The following CCNJL variants were observed in gnomAD, a reference collection of about 807,000 sequenced individuals.
The protein encoded by CCNJL is cyclin-J-like protein.
Under a neutral mutation model 33.4 loss-of-function variants are expected in CCNJL, and 33 were observed. The observed-to-expected ratio is 0.99, with a 90% CI of 0.75 to 1.32. The LOEUF is 1.32. CCNJL is among the 40% of genes most tolerant of loss of function. The pLI is 0.00. For synonymous variants in CCNJL, 227 were observed against 220.9 expected (o/e 1.03, Z -0.24); for missense variants, 512 against 499.7 (o/e 1.02, Z -0.23).
chr5:160,253,100 C>G lies in CCNJL; in HGVS notation c.*278G>C, dbSNP rs1379310409. The stretch of plus-strand genomic sequence containing the variant: ...TCCTGGCCTCTTATCAAGTCTTTCT[C>G]GATTCACTGGGCCCCTGTGTGGGGG... On this transcript the variant is annotated 3_prime_UTR_variant, in exon 6 of 6. Coordinates refer to ENST00000257536, the MANE Select transcript of CCNJL (RefSeq NM_001308173.3). 5.7e-6 allele frequency: 2 copies of G among 351,154 alleles called. No individual in the cohort carries two copies. The highest frequency in any genetic ancestry group is 4.5e-5 in the Admixed American group (1 of 22,048). The allele number at this position is 351,154 out of a possible 1,614,324, so 21.8% of individuals were successfully genotyped here.
intron 2 of CCNJL, among the ~76,000 whole-genome samples, chr5:160,297,159 T>C (rs1762771350): frequency 6.6e-6 from 1 of 152,206 alleles, no homozygotes; most frequent in Non-Finnish European, 1.5e-5. Flanking sequence ...TTGATATGAC[T>C]ATATCTTCAG....
chr5:160,332,362 C>T (rs1018801240), intron 1 of CCNJL, among the ~76,000 whole-genome samples: 3 of 152,230 alleles, frequency 2.0e-5, no homozygotes, highest in African/African-American at 7.2e-5. Flanking sequence ...AGTCGCCTTA[C>T]ATCTGCCCTT....
chr5:160,326,570 C>T (rs1201687928), intron 1 of CCNJL: 1 of 463,044 alleles, frequency 2.2e-6, no homozygotes, highest in African/African-American at 2.1e-5. Context: ...ATTACACTGC[C>T]AATATAAATT....
chr5:160,265,818 A>G (rs979528199), intron 3 of CCNJL, among the ~76,000 whole-genome samples: 1 of 149,574 alleles, frequency 6.7e-6, no homozygotes, highest in Non-Finnish European at 1.5e-5. Flanking sequence ...GGGGCACTGC[A>G]CTCTAGCCTG....
rs1226668297 is a variant in CCNJL, at chr5:160,280,689, C to T, written c.116G>A (p.Arg39His). 1.6e-5 allele frequency: 25 copies of T among 1,612,790 alleles called. No individual in the cohort carries two copies. Among genetic ancestry groups the T allele is most frequent in the African/African-American group, 6.7e-5 (5 of 74,884 alleles). Residue 39 changes from arginine (R) to histidine (H), a missense_variant, in exon 3 of 6, where the codon CGC (arginine) becomes CAC (histidine). Coordinates refer to ENST00000257536, the MANE Select transcript of CCNJL (RefSeq NM_001308173.3). ...FRAHSPLLKS[R>H]RFFVDILTLL... ...GGTCAGGATGTCCACGAAGAACCGG[C>T]GGCTCTTCAGGAGTGGGGAGTGGGC...
At chr5:160,257,529 A>G (rs1037499041) in intron 4 of CCNJL, among the ~76,000 whole-genome samples, 5 of 151,570 alleles carry the variant, frequency 3.3e-5, no homozygotes, top group Non-Finnish European at 7.4e-5. Flanking sequence ...TGGGTAAGTT[A>G]CAGCTGGGTG....
chr5:160,291,229 T>C (rs1304536848), intron 2 of CCNJL, among the ~76,000 whole-genome samples: 1 of 151,898 alleles, frequency 6.6e-6, no homozygotes, highest in Non-Finnish European at 1.5e-5. Flanking sequence ...TATGGAGAAG[T>C]GGAAGCTTCA....
Position 160,249,503 on chromosome 5 carries a change from C to T in CCNJL, c.*3875G>A, listed in dbSNP as rs1242084370. 1 of 152,094 alleles carries T rather than the reference C, an allele frequency of 6.6e-6. No homozygotes were observed. Among genetic ancestry groups the T allele is most frequent in the Non-Finnish European group, 1.5e-5 (1 of 68,030 alleles). The allele number at this position is 152,094 out of a possible 1,614,324, so 9.4% of individuals were successfully genotyped here. A position where few individuals can be genotyped will look rare whatever the true frequency, so the allele number is the denominator to read the frequency against. ...CTGGACCAGGCGTAGTGGCTTATAC[C>T]TGTAATCTCAGCACTTTGGGAGGCC... On this transcript the variant is annotated 3_prime_UTR_variant, in exon 6 of 6. Transcript: ENST00000257536.
intron 1 of CCNJL, among the ~76,000 whole-genome samples, chr5:160,333,806 T>A (rs1763642383): frequency 6.6e-6 from 1 of 152,038 alleles, no homozygotes; most frequent in East Asian, 1.9e-4. Flanking sequence ...ATCAGACTAG[T>A]CCATCTTGCC....
intron 2 of CCNJL, among the ~76,000 whole-genome samples, chr5:160,297,654 C>CAA (rs59634260): frequency 1.1e-4 from 12 of 107,592 alleles, no homozygotes; most frequent in Admixed American, 4.0e-4. Flanking sequence ...TCTCTATTTA[C>CAA]AAAAAAAAAA....
intron 4 of CCNJL, chr5:160,258,672 GT>G: frequency 1.2e-6 from 1 of 841,932 alleles, no homozygotes; most frequent in Non-Finnish European, 2.1e-6. Flanking sequence ...GTCTGCAGCT[GT>G]TTTACTTTAA....
intron 4 of CCNJL, among the ~76,000 whole-genome samples, chr5:160,256,093 A>G: frequency 6.6e-6 from 1 of 152,262 alleles, no homozygotes; most frequent in Non-Finnish European, 1.5e-5. Context: ...TTCAGCATGT[A>G]ATTCAGGCTG....
At chr5:160,282,967 A>ATATATATATATATATATATATATG in intron 2 of CCNJL, among the ~76,000 whole-genome samples, 1 of 12,186 alleles carries the variant, frequency 8.2e-5, no homozygotes, top group Non-Finnish European at 1.3e-4. Flanking sequence ...AGTCCTTGGA[A>ATATATATATATATATATATATATG]TATATATATA....
At chr5:160,256,025 A>T (rs1393802664) in intron 4 of CCNJL, among the ~76,000 whole-genome samples, 1 of 152,116 alleles carries the variant, frequency 6.6e-6, no homozygotes, top group Non-Finnish European at 1.5e-5. Flanking sequence ...AGTAGCTGGG[A>T]CTACAGGCAT....
intron 3 of CCNJL, among the ~76,000 whole-genome samples, chr5:160,272,445 C>T (rs1222192088): frequency 6.6e-6 from 1 of 152,192 alleles, no homozygotes. Context: ...TAAAAGCAAT[C>T]AGTCTGGAAA....
At chr5:160,288,789 C>T (rs1224399248) in intron 2 of CCNJL, among the ~76,000 whole-genome samples, 1 of 148,188 alleles carries the variant, frequency 6.7e-6, no homozygotes, top group Non-Finnish European at 1.5e-5. Context: ...GGACATCGTG[C>T]CACTGCACTC....
chr5:160,259,378 TG>T, intron 4 of CCNJL, 90 bp downstream of exon 4: 3 of 1,172,998 alleles, frequency 2.6e-6, no homozygotes, highest in Non-Finnish European at 3.6e-6. Context: ...AGGCCTGATC[TG>T]GATGGACATG....
At chr5:160,256,979 A>G (rs142310835) in intron 4 of CCNJL, among the ~76,000 whole-genome samples, 1 of 152,146 alleles carries the variant, frequency 6.6e-6, no homozygotes, top group Non-Finnish European at 1.5e-5. Flanking sequence ...TTTAAAGATC[A>G]GTTCATAGGG....
chr5:160,287,351 C>G (rs1030688056), intron 2 of CCNJL, among the ~76,000 whole-genome samples: 1 of 152,214 alleles, frequency 6.6e-6, no homozygotes, highest in Non-Finnish European at 1.5e-5. Context: ...GGCTTTCTAC[C>G]TTTGAGCTGA....
Sources: gnomAD v4.1 joint callset for allele counts (sites outside exome capture counted in the v4.1 genomes callset) on GRCh38, gnomAD v4.1.1 for gene constraint, MANE v1.5 for transcripts, NCBI Gene and HGNC (gene_info 2026-07-23, HGNC 2026-07-21) for gene names.